ZNF839: variants seen among roughly 807,000 people sequenced by gnomAD.
The protein encoded by ZNF839 is zinc finger protein 839, also known as renal carcinoma antigen NY-REN-50.
In ZNF839, 38 loss-of-function variants were observed where a neutral mutation model predicts 56.4. The observed-to-expected ratio is 0.67, with a 90% CI of 0.52 to 0.88. ZNF839 has a LOEUF of 0.88. Among genes scored for constraint, ZNF839 ranks in the 40% least tolerant of loss-of-function variants. ZNF839 has a pLI of 0.00. For missense variants in ZNF839, 1,091 were observed against 1,177.6 expected, an observed-to-expected ratio of 0.93 and a Z score of 1.08; for synonymous variants, 486 against 493.5, an observed-to-expected ratio of 0.98 and a Z score of 0.20.
intron 7 of ZNF839, 23 bp from the exon 8 acceptor site, chr14:102,341,300 C>T: frequency 1.3e-6 from 2 of 1,514,532 alleles, no homozygotes; most frequent in South Asian, 1.3e-5. Context: ...ACGCCATGTT[C>T]ACCTGTTTCC....
intron 1 of ZNF839, among the ~76,000 whole-genome samples, chr14:102,324,882 G>A (rs753782987): frequency 1.4e-4 from 21 of 150,748 alleles, no homozygotes; most frequent in Admixed American, 7.3e-4. Context: ...CTCGGGAGGC[G>A]GAGGTCGCAG....
At chr14:102,340,158 T>C (rs1044669634) in intron 7 of ZNF839, among the ~76,000 whole-genome samples, 2 of 151,444 alleles carry the variant, frequency 1.3e-5, no homozygotes, top group Admixed American at 6.6e-5. Flanking sequence ...TGTATTTTTG[T>C]AGAGATGGGG....
At chr14:102,317,864 T>C (rs1240676375), upstream of ZNF839, among the ~76,000 whole-genome samples, 3 of 152,186 alleles carry the variant, frequency 2.0e-5, no homozygotes, top group Non-Finnish European at 4.4e-5. Context: ...AGCAAGTGGA[T>C]GAATTTCTCA....
chr14:102,327,745 G>A (rs1214003626), intron 2 of ZNF839, among the ~76,000 whole-genome samples: 3 of 152,296 alleles, frequency 2.0e-5, no homozygotes, highest in South Asian at 2.1e-4. Context: ...AGACCCCCAC[G>A]TTGTCTGCAC....
At chr14:102,339,773 T>C (rs2139596998) in intron 7 of ZNF839, among the ~76,000 whole-genome samples, 1 of 150,962 alleles carries the variant, frequency 6.6e-6, no homozygotes, top group African/African-American at 2.4e-5. Flanking sequence ...AGCCACCAAA[T>C]GGTAGTAAAC....
intron 5 of ZNF839, chr14:102,336,569 A>C (rs1381653374): frequency 2.4e-6 from 1 of 412,768 alleles, no homozygotes; most frequent in Non-Finnish European, 4.7e-6. Context: ...TGCTAGGATT[A>C]CAGGTGTGAG....
chr14:102,342,201 T>C lies in ZNF839; in HGVS notation c.*22T>C. ...CTAGAAGGAGTTCCTCTAGAAGCTG[T>C]GGAGTCGGTCGTCACCGTGGAGCCA... On this transcript the variant is annotated 3_prime_UTR_variant, in exon 8 of 8. Transcript: ENST00000442396. The C allele has an allele frequency of 6.3e-7, 1 of 1,577,256 alleles. No homozygotes were observed. Among genetic ancestry groups the C allele is most frequent in the Non-Finnish European group, 8.6e-7 (1 of 1,159,222 alleles).
rs1482666569 is a variant in ZNF839, at chr14:102,334,463, CT to C, written c.1417-90del. 10 of 879,780 alleles carry C rather than the reference CT, an allele frequency of 1.1e-5. No homozygotes were observed. The Admixed American group carries it at 2.0e-4, about 18-fold the overall frequency. The allele number at this position is 879,780 out of a possible 1,614,324, so 54.5% of individuals were successfully genotyped here. Reference sequence around the variant, plus strand: ...GTCACTGAAATTTTTGGAGAACTTTCTGTTTTTTATGTTGTATATTGCACCA... The same window carrying C: ...GTCACTGAAATTTTTGGAGAACTTTCGTTTTTTATGTTGTATATTGCACCA... On this transcript the variant is annotated intron_variant, in intron 3 of 7. Coordinates refer to ENST00000442396, the MANE Select transcript of ZNF839 (RefSeq NM_018335.6).
At chr14:102,325,587 C>G (rs776166722) in intron 1 of ZNF839, among the ~76,000 whole-genome samples, 7 of 151,854 alleles carry the variant, frequency 4.6e-5, no homozygotes, top group Admixed American at 3.3e-4. Context: ...AACCTCCTCC[C>G]GGGTTCAAGC....
At chr14:102,325,133 A>G (rs755877338) in intron 1 of ZNF839, among the ~76,000 whole-genome samples, 1 of 152,060 alleles carries the variant, frequency 6.6e-6, no homozygotes, top group Non-Finnish European at 1.5e-5. Flanking sequence ...AGGTGGATCA[A>G]TCACTTGACG....
chr14:102,328,083 A>G lies in ZNF839; in HGVS notation c.1191+1196A>G, dbSNP rs185923964. 6.6e-5 allele frequency among the ~76,000 whole-genome samples: 10 copies of G among 151,922 alleles called. No individual in the cohort carries two copies. The East Asian group carries it at 1.7e-3, about 27-fold the overall frequency. On this transcript the variant is annotated intron_variant, in intron 2 of 7. Coordinates refer to ENST00000442396, the MANE Select transcript of ZNF839 (RefSeq NM_018335.6). ...TAAAATATTTTATTGAGCCGGGTGC[A>G]GTGGCTCACACCTGTAATCCCAGCA...
At chr14:102,334,743 AGTT>A (rs1198253950) in intron 4 of ZNF839, 97 bp downstream of exon 4, 1 of 636,694 alleles carries the variant, frequency 1.6e-6, no homozygotes, top group Non-Finnish European at 2.3e-6. Flanking sequence ...TAGCCTGCAT[AGTT>A]GTTAATTTTA....
rs1270720859 is a variant in ZNF839 at position 102,331,843 on chromosome 14, G to A, written c.1413G>A (p.Lys471=). ...QRASPSKARL[K]EFLQQCDRED... ...CGTCGCCAAGCAAAGCCAGGCTCAA[G>A]GAGGTACCTCACTCTTAAACCCTGT... Residue 471 remains lysine (K), a synonymous_variant, in exon 3 of 8, where the codon AAG becomes AAA. Coordinates refer to ENST00000442396, the MANE Select transcript of ZNF839 (RefSeq NM_018335.6). 1.3e-6 allele frequency: 2 copies of A among 1,558,996 alleles called. No homozygotes were observed. The highest frequency in any genetic ancestry group is 1.2e-5 in the South Asian group (1 of 85,500).
intron 6 of ZNF839, 28 bp downstream of exon 6, chr14:102,338,981 T>A (rs1349217644): frequency 1.2e-6 from 2 of 1,613,860 alleles, no homozygotes; most frequent in Admixed American, 1.7e-5. Context: ...GGGTGCCAGG[T>A]GACTGTGCAC....
Position 102,341,897 on chromosome 14 carries a change from A to T in ZNF839, c.2502A>T (p.Glu834Asp). The change falls in exon 8 of 8, where the codon GAA (glutamate) becomes GAT (aspartate). Residue 834 changes from glutamate (E) to aspartate (D), a missense_variant. Physicochemically the swap from Glu to Asp is conservative, Grantham distance 45. Transcript: ENST00000442396. ...QPGPHGSLLT[E>D]GCLRSLSGDL... ...GCCCACATGGATCACTATTGACTGA[A>T]GGGTGTCTCAGAAGCCTTTCGGGGG... 6.2e-7 allele frequency: 1 copy of T among 1,614,038 alleles called. No homozygotes were observed. Among genetic ancestry groups the T allele is most frequent in the Non-Finnish European group, 8.5e-7 (1 of 1,179,902 alleles).
intron 4 of ZNF839, 35 bp downstream of exon 4, chr14:102,334,681 A>C: frequency 8.0e-7 from 1 of 1,252,118 alleles, no homozygotes; most frequent in East Asian, 2.4e-5. Flanking sequence ...TGATAGCGGG[A>C]TGATTAGAAG....
At chr14:102,331,581 T>G in intron 2 of ZNF839, 41 bp from the exon 3 acceptor site, 2 of 1,528,040 alleles carry the variant, frequency 1.3e-6, no homozygotes, top group Non-Finnish European at 1.8e-6. Context: ...ATATAAAGCA[T>G]GATTGTTTTA....
chr14:102,325,471 T>C lies in ZNF839; in HGVS notation c.289-514T>C, dbSNP rs143166382. ...TATATACACGTGTACTAGGTCATAA[T>C]GTAAAATGTATCATTGTGGTCTCTG... On this transcript the variant is annotated intron_variant, in intron 1 of 7. Coordinates refer to ENST00000442396, the MANE Select transcript of ZNF839 (RefSeq NM_018335.6). Among the ~76,000 whole-genome samples the C allele has an allele frequency of 1.1e-4, 16 of 152,240 alleles. No homozygotes were observed. In the East Asian group the frequency reaches 3.1e-3, roughly 29 times the overall value.
In ZNF839 at chr14:102,319,941, C is replaced by A. The variant is rs1042883265; in HGVS notation, c.176C>A (p.Pro59His). ...TKAQPPPPPPPFVLRDAARRL... is the reference protein window; with the variant it reads ...TKAQPPPPPPHFVLRDAARRL... ...GCGCAGCCGCCGCCGCCGCCGCCCC[C>A]CTTCGTGCTGCGGGACGCGGCGCGG... Residue 59 changes from proline (P) to histidine (H), a missense_variant, in exon 1 of 8, where the codon CCC becomes CAC. Physicochemically the swap from Pro to His is moderately conservative, Grantham distance 77 (BLOSUM62 -2). Transcript: ENST00000442396. This position sits in a 1 kb window ranked among gnomAD's most constrained non-coding sequence, Gnocchi z 4.5. The A allele has an allele frequency of 9.1e-5, 109 of 1,197,716 alleles. No individual in the cohort carries two copies. Among genetic ancestry groups the A allele is most frequent in the Non-Finnish European group, 1.1e-4 (102 of 965,814 alleles). 74.2% of individuals were successfully genotyped at this position (1,197,716 alleles called of 1,614,324 possible).
Sources: gnomAD v4.1 joint callset for allele counts (sites outside exome capture counted in the v4.1 genomes callset) on GRCh38, gnomAD v4.1.1 for gene constraint, Gnocchi (gnomAD v3.1) non-coding constraint, MANE v1.5 for transcripts, NCBI Gene and HGNC (gene_info 2026-07-23, HGNC 2026-07-21) for gene names.